HIVEP3: variants seen among roughly 807,000 people sequenced by gnomAD.
The protein encoded by HIVEP3 is transcription factor HIVEP3.
A neutral mutation model predicts 152.8 loss-of-function variants in HIVEP3; 49 were observed. The ratio of observed to expected loss-of-function variants is 0.32; its 90% CI spans 0.26 to 0.41. The LOEUF is 0.41. HIVEP3 is among the 10% of genes least tolerant of loss of function. HIVEP3 has a pLI of 1.00. For missense variants in HIVEP3, 2,790 were observed against 3,103.3 expected (o/e 0.90, Z 2.40); for synonymous variants, 1,269 against 1,289.0 (o/e 0.98, Z 0.33).
Position 41,793,299 on chromosome 1 carries a change from C to T in HIVEP3, c.-800-92304G>A, listed in dbSNP as rs1282276533. On this transcript the variant is annotated intron_variant, in intron 1 of 8. Transcript: ENST00000372583. ...TCTCATCAGGGATGCTCTCTATCTG[C>T]AGAGCACTACAAGTGGCTCAAGCCT... Among the ~76,000 whole-genome samples the T allele has an allele frequency of 3.9e-5, 6 of 152,238 alleles. No homozygotes were observed. The East Asian group carries it at 1.2e-3, about 29-fold the overall frequency.
At chr1:41,819,848 T>C (rs1040257097) in intron 1 of HIVEP3, among the ~76,000 whole-genome samples, 26 of 152,286 alleles carry the variant, frequency 1.7e-4, no homozygotes, top group African/African-American at 5.3e-4. Context: ...TAAAAATTGT[T>C]AAGAGTCAGG....
At chr1:41,962,018 C>G (rs1440788081) in intron 1 of HIVEP3, among the ~76,000 whole-genome samples, 1 of 152,132 alleles carries the variant, frequency 6.6e-6, no homozygotes, top group Non-Finnish European at 1.5e-5. Context: ...GCACCATAAG[C>G]CAAGAATTAA....
intron 3 of HIVEP3, among the ~76,000 whole-genome samples, chr1:41,627,338 TAA>T (rs1645131686): frequency 6.6e-6 from 1 of 152,214 alleles, no homozygotes; most frequent in African/African-American, 2.4e-5. Context: ...CTTAAACCAG[TAA>T]GTGCCTCACA....
intron 1 of HIVEP3, among the ~76,000 whole-genome samples, chr1:41,811,774 C>T (rs1457949691): frequency 4.6e-5 from 7 of 151,970 alleles, no homozygotes; most frequent in Non-Finnish European, 8.8e-5. Flanking sequence ...AGGTTGAGTC[C>T]TTTTTATAAT....
chr1:41,805,064 C>T lies in HIVEP3; in HGVS notation c.-800-104069G>A, dbSNP rs1036804659. Among the ~76,000 whole-genome samples the T allele has an allele frequency of 5.3e-5, 8 of 152,312 alleles. No homozygotes were observed. The East Asian group carries it at 5.8e-4, about 11-fold the overall frequency. On this transcript the variant is annotated intron_variant, in intron 1 of 8. Transcript: ENST00000372583. ...TTAAACTACATGAAATGGCCGGGCG[C>T]GGTGGCTCACACCTGTAATCTCAGC...
chr1:41,728,420 G>T (rs1278387123), intron 1 of HIVEP3, among the ~76,000 whole-genome samples: 3 of 152,100 alleles, frequency 2.0e-5, no homozygotes, highest in Admixed American at 1.3e-4. Context: ...CAGGCCTGGG[G>T]CACTCAGTGC....
Position 41,580,932 on chromosome 1 carries a change from G to T in HIVEP3, c.3866C>A (p.Pro1289His), listed in dbSNP as rs1171043268. The change falls in exon 4 of 9, where the codon CCT becomes CAT. Residue 1289 changes from proline to histidine, a missense_variant. By Grantham distance (77) the Pro-to-His change is moderately conservative. Around this residue, in one of 9 missense-constraint regions of HIVEP3, gnomAD observed 1,078 missense variants for 1,165.3 expected, o/e 0.93. Transcript: ENST00000372583. ...TGAGGAGCTGGCTGGGGGAGCCACA[G>T]GGGGTAGCCGGATGTCACTGCTGTA... ...TEYSSDIRLP[P>H]VAPPASSSAP... The T allele has an allele frequency of 6.2e-7, 1 of 1,612,538 alleles. No individual in the cohort carries two copies. The highest frequency in any genetic ancestry group is 8.5e-7 in the Non-Finnish European group (1 of 1,179,392).
chr1:41,882,966 TTCTAGATTA>T (rs1644287129), intron 1 of HIVEP3, among the ~76,000 whole-genome samples: 4 of 152,076 alleles, frequency 2.6e-5, no homozygotes. Context: ...TGTCTAGAAA[TTCTAGATTA>T]AAATAAGGGT....
At chr1:41,787,077 C>T (rs1008624652) in intron 1 of HIVEP3, among the ~76,000 whole-genome samples, 4 of 151,906 alleles carry the variant, frequency 2.6e-5, no homozygotes, top group African/African-American at 7.3e-5. Context: ...CTAGTAGCAA[C>T]ATTAAAAAAG....
At chr1:41,532,155 T>TGAGAGAGGACAG in intron 5 of HIVEP3, among the ~76,000 whole-genome samples, 1 of 59,622 alleles carries the variant, frequency 1.7e-5, no homozygotes, top group Admixed American at 2.2e-4. Context: ...ATGGAAGACA[T>TGAGAGAGGACAG]GAGAGATAGA....
At chr1:41,521,400 C>T (rs1642756278) in intron 6 of HIVEP3, among the ~76,000 whole-genome samples, 2 of 152,224 alleles carry the variant, frequency 1.3e-5, no homozygotes, top group African/African-American at 2.4e-5. Context: ...CTCCTCTGCC[C>T]CCGCCACGGG....
At chr1:41,822,960 A>G (rs1370686052) in intron 1 of HIVEP3, among the ~76,000 whole-genome samples, 1 of 152,230 alleles carries the variant, frequency 6.6e-6, no homozygotes, top group Non-Finnish European at 1.5e-5. Context: ...TCTGCCCCAC[A>G]AATTCATATG....
At chr1:41,698,663 T>C (rs1482101123) in intron 2 of HIVEP3, among the ~76,000 whole-genome samples, 6 of 152,254 alleles carry the variant, frequency 3.9e-5, no homozygotes, top group African/African-American at 1.4e-4. Context: ...GTGTTTCCCG[T>C]GCCATGCCTT....
At position 41,928,545 on chromosome 1, in the gene HIVEP3, T is replaced by C. The variant is rs1644979357; in HGVS notation, n.120-10021A>G. Among the ~76,000 whole-genome samples, 2 of 152,232 alleles carry C rather than the reference T, an allele frequency of 1.3e-5. 1 individual carries two copies. ...AATTGACCTACAGAATTTTCTCTAA[T>C]GTTACCAGTTTTTCCACTGATGTCC... On this transcript the variant is annotated intron_variant and non_coding_transcript_variant, in intron 1 of 3. Coordinates refer to the HIVEP3 transcript ENST00000489103.
intron 1 of HIVEP3, among the ~76,000 whole-genome samples, chr1:41,810,598 T>C (rs905733579): frequency 6.6e-6 from 1 of 152,232 alleles, no homozygotes; most frequent in African/African-American, 2.4e-5. Context: ...ATGCTTATGC[T>C]TCTGCCTCAT....
At chr1:41,827,477 T>G (rs983269843) in intron 1 of HIVEP3, among the ~76,000 whole-genome samples, 1 of 151,790 alleles carries the variant, frequency 6.6e-6, no homozygotes, top group African/African-American at 2.4e-5. Flanking sequence ...CAAGGTATCA[T>G]AGAGGTTCCA....
intron 1 of HIVEP3, among the ~76,000 whole-genome samples, chr1:41,861,621 G>C (rs1415829275): frequency 6.6e-6 from 1 of 152,194 alleles, no homozygotes; most frequent in Non-Finnish European, 1.5e-5. Context: ...TCTGCATCCT[G>C]CACATGCTGC....
At chr1:41,750,656 T>A (rs192807552) in intron 1 of HIVEP3, among the ~76,000 whole-genome samples, 23 of 151,566 alleles carry the variant, frequency 1.5e-4, no homozygotes, top group African/African-American at 5.1e-4. Context: ...AAAATCTCTG[T>A]AGATTGGGCA....
At position 41,584,577 on chromosome 1, in the gene HIVEP3, G is replaced by A. The variant is rs150086203; in HGVS notation, c.221C>T (p.Thr74Met). ...TTTGGGGGGCTTCTGCTGCTGGCCC[G>A]TTTTCTCCTGAGAGCCTTCCCTAAG... ...SVLREGSQEK[T>M]GQQQKPPKRP... The change falls in exon 4 of 9, where the codon ACG becomes ATG. Residue 74 changes from threonine to methionine, a missense_variant. Around this residue, in one of 9 missense-constraint regions of HIVEP3, gnomAD observed 209 missense variants for 237.0 expected, o/e 0.88. Transcript: ENST00000372583. The surrounding 1 kb of genome is among the most constrained non-coding windows in gnomAD (Gnocchi z 5.2). 8.1e-5 allele frequency: 130 copies of A among 1,613,892 alleles called. No individual in the cohort carries two copies. Among genetic ancestry groups the A allele is most frequent in the Non-Finnish European group, 1.0e-4 (123 of 1,179,964 alleles).
Sources: gnomAD v4.1 joint callset for allele counts (sites outside exome capture counted in the v4.1 genomes callset) on GRCh38, gnomAD v4.1.1 for gene constraint, gnomAD v4.1.1 regional missense constraint, Gnocchi (gnomAD v3.1) non-coding constraint, MANE v1.5 for transcripts, NCBI Gene and HGNC (gene_info 2026-07-23, HGNC 2026-07-21) for gene names.